DCDC2: variants seen among roughly 807,000 people sequenced by gnomAD.
DCDC2 encodes the protein doublecortin domain containing 2.
A neutral mutation model predicts 50.2 loss-of-function variants in DCDC2; 40 were observed. The observed-to-expected ratio is 0.80, with a 90% CI of 0.62 to 1.04. DCDC2 has a LOEUF of 1.04. DCDC2 is among the 50% of genes least tolerant of loss of function. DCDC2 has a pLI of 0.00. For missense variants in DCDC2, 570 were observed against 581.9 expected, an observed-to-expected ratio of 0.98 and a Z score of 0.21; for synonymous variants, 234 against 210.6, an observed-to-expected ratio of 1.11 and a Z score of -0.96.
chr6:24,190,302 C>T (rs977800548), intron 8 of DCDC2, among the ~76,000 whole-genome samples: 5 of 152,028 alleles, frequency 3.3e-5, no homozygotes, highest in Admixed American at 3.3e-4. Context: ...TATATTTAAT[C>T]ATCAATAAAA....
At chr6:24,282,773 T>A (rs1373854792) in intron 6 of DCDC2, among the ~76,000 whole-genome samples, 1 of 12,042 alleles carries the variant, frequency 8.3e-5, no homozygotes, top group Non-Finnish European at 2.1e-4. Flanking sequence ...AAGCTGGGGG[T>A]GGGGGGTAGG....
chr6:24,242,488 G>A (rs1382881172), intron 7 of DCDC2, among the ~76,000 whole-genome samples: 1 of 152,188 alleles, frequency 6.6e-6, no homozygotes, highest in Non-Finnish European at 1.5e-5. Flanking sequence ...CACCTTCGCT[G>A]TGAAGTCTTC....
intron 7 of DCDC2, among the ~76,000 whole-genome samples, chr6:24,265,720 T>C (rs1012875963): frequency 1.3e-5 from 2 of 149,894 alleles, no homozygotes; most frequent in African/African-American, 4.9e-5. Context: ...CAAATGAAAA[T>C]GGAAACATGA....
At chr6:24,175,632 A>G (rs1482659917) in intron 9 of DCDC2, among the ~76,000 whole-genome samples, 4 of 152,150 alleles carry the variant, frequency 2.6e-5, no homozygotes, top group African/African-American at 9.7e-5. Context: ...AAATGTCTCA[A>G]ATGGTATCTT....
At chr6:24,347,707 ACT>A (rs1402541526) in intron 2 of DCDC2, among the ~76,000 whole-genome samples, 1 of 152,162 alleles carries the variant, frequency 6.6e-6, no homozygotes, top group Admixed American at 6.5e-5. Flanking sequence ...CTGAAGGATA[ACT>A]CTACTTGTTG....
intron 7 of DCDC2, among the ~76,000 whole-genome samples, chr6:24,276,508 A>G (rs1361416555): frequency 2.0e-5 from 3 of 152,140 alleles, no homozygotes; most frequent in African/African-American, 7.2e-5. Flanking sequence ...TCCATCATTC[A>G]TTCACTCAAC....
Position 24,291,023 on chromosome 6 carries a change from G to A in DCDC2, c.613C>T (p.Gln205Ter). ...TCTCTGCCAACAGCCACATAAAACTGCCCATTCTCCAACTCTGCTCCACTC... is the reference window on the plus strand; with the variant it reads ...TCTCTGCCAACAGCCACATAAAACTACCCATTCTCCAACTCTGCTCCACTC... ...VESGAELENG[Q>*]FYVAVGRDKF... is the part of the protein sequence containing the mutation. Residue 205 changes from glutamine to a stop codon, truncating the protein, a stop_gained, in exon 5 of 10, where the codon CAG becomes TAG. Coordinates refer to ENST00000378454, the MANE Select transcript of DCDC2 (RefSeq NM_016356.5). LOFTEE classifies it high-confidence loss of function. 2 of 1,613,884 alleles carry A rather than the reference G, an allele frequency of 1.2e-6. No homozygotes were observed. The highest frequency in any genetic ancestry group is 1.7e-6 in the Non-Finnish European group (2 of 1,179,904).
intron 8 of DCDC2, among the ~76,000 whole-genome samples, chr6:24,189,291 A>AACC (rs1761266897): frequency 6.6e-6 from 1 of 152,198 alleles, no homozygotes; most frequent in African/African-American, 2.4e-5. Flanking sequence ...TTTCTAGAGA[A>AACC]TATGCATGCA....
chr6:24,206,809 A>G (rs1019546203), intron 7 of DCDC2, among the ~76,000 whole-genome samples: 2 of 152,238 alleles, frequency 1.3e-5, no homozygotes, highest in Non-Finnish European at 2.9e-5. Flanking sequence ...GAGACAAATC[A>G]GCAAAGCTCA....
chr6:24,361,110 T>G (rs563491647), upstream of DCDC2, among the ~76,000 whole-genome samples: 1 of 152,280 alleles, frequency 6.6e-6, no homozygotes, highest in South Asian at 2.1e-4. Flanking sequence ...TGAAGAAATA[T>G]TTTTATTAAA....
At chr6:24,227,902 T>A (rs1350937657) in intron 7 of DCDC2, among the ~76,000 whole-genome samples, 3 of 152,282 alleles carry the variant, frequency 2.0e-5, no homozygotes, top group Admixed American at 2.0e-4. Context: ...AAGGAAGAGA[T>A]TAAAGACCTA....
chr6:24,271,185 G>C lies in DCDC2; in HGVS notation c.922+6864C>G, dbSNP rs1561752076. The stretch of plus-strand genomic sequence containing the variant: ...ATGGTGCCACTGTACTCCAGCCTGG[G>C]TGACAGAGTGAGACACTCCCTCAAA... On this transcript the variant is annotated intron_variant, in intron 7 of 9. Coordinates refer to ENST00000378454, the MANE Select transcript of DCDC2 (RefSeq NM_016356.5). Among the ~76,000 whole-genome samples the C allele has an allele frequency of 2.6e-5, 3 of 113,408 alleles. No homozygotes were observed. In the Admixed American group the frequency reaches 3.7e-4, roughly 14 times the overall value. 74.4% of individuals were successfully genotyped at this position (113,408 alleles called of 152,430 possible). A position where few individuals can be genotyped will look rare whatever the true frequency, so the allele number is the denominator to read the frequency against.
rs556950650 is a variant in DCDC2 at position 24,337,268 on chromosome 6, A to G, written c.348+16301T>C. 3.9e-5 allele frequency among the ~76,000 whole-genome samples: 6 copies of G among 152,298 alleles called. No individual in the cohort carries two copies. The East Asian group carries it at 1.2e-3, about 29-fold the overall frequency. On this transcript the variant is annotated intron_variant, in intron 2 of 9. Transcript: ENST00000378454. ...TCTCAGCTCTATATATCTCTCTGTA[A>G]TCTCTTCACACTCTGTTGTAAATTT...
intron 6 of DCDC2, among the ~76,000 whole-genome samples, chr6:24,282,401 C>T (rs1763497785): frequency 6.6e-6 from 1 of 152,072 alleles, no homozygotes. Context: ...CGCCACCACA[C>T]CTGGCTAATT....
At chr6:24,240,648 G>A (rs554880002) in intron 7 of DCDC2, among the ~76,000 whole-genome samples, 2 of 152,276 alleles carry the variant, frequency 1.3e-5, no homozygotes, top group East Asian at 3.9e-4. Flanking sequence ...TAATACAAAA[G>A]GGCTAATCAG....
chr6:24,348,506 C>G (rs960980751), intron 2 of DCDC2, among the ~76,000 whole-genome samples: 1 of 152,160 alleles, frequency 6.6e-6, no homozygotes, highest in Non-Finnish European at 1.5e-5. Flanking sequence ...TTAAATGTGT[C>G]TATCCTCTAA....
rs1456027485 is a variant in DCDC2, at chr6:24,204,999, T to C, written c.1023+3A>G. On this transcript the variant is annotated splice_donor_region_variant and intron_variant, in intron 8 of 9. Transcript: ENST00000378454. ...CACATATTTTTTAAGGCATGGAGAT[T>C]ACCTGATCGACTGGAACCTCAACCT... 2 of 1,612,690 alleles carry C rather than the reference T, an allele frequency of 1.2e-6. No individual in the cohort carries two copies. The highest frequency in any genetic ancestry group is 1.7e-6 in the Non-Finnish European group (2 of 1,179,244).
chr6:24,337,895 CCTT>C (rs1345221225), intron 2 of DCDC2, among the ~76,000 whole-genome samples: 2 of 151,958 alleles, frequency 1.3e-5, no homozygotes, highest in Admixed American at 6.5e-5. Context: ...TATATTTTAT[CCTT>C]CTTATCATCA....
chr6:24,210,503 C>A (rs1761843389), intron 7 of DCDC2, among the ~76,000 whole-genome samples: 1 of 152,174 alleles, frequency 6.6e-6, no homozygotes, highest in South Asian at 2.1e-4. Flanking sequence ...CTCCTGGCCT[C>A]AGTTTCTATA....
Sources: gnomAD v4.1 joint callset for allele counts (sites outside exome capture counted in the v4.1 genomes callset) on GRCh38, gnomAD v4.1.1 for gene constraint, MANE v1.5 for transcripts, NCBI Gene and HGNC (gene_info 2026-07-23, HGNC 2026-07-21) for gene names.